PRPF18: variants seen among roughly 807,000 people sequenced by gnomAD.
PRPF18 encodes pre-mRNA-splicing factor 18.
PRPF18 carries 38 observed loss-of-function variants against 46.5 expected under a neutral mutation model. That is an observed-to-expected ratio of 0.82 (90% CI 0.63 to 1.07). PRPF18 has a LOEUF of 1.07. Ranked by LOEUF, PRPF18 falls within the 50% of genes least tolerant of loss-of-function variation. PRPF18 has a pLI of 0.00. For missense variants in PRPF18, 263 were observed against 410.0 expected, an observed-to-expected ratio of 0.64 and a Z score of 3.10; for synonymous variants, 152 against 146.7, an observed-to-expected ratio of 1.04 and a Z score of -0.26.
At chr10:13,610,638 A>G (rs2080256640) in intron 5 of PRPF18, among the ~76,000 whole-genome samples, 1 of 152,032 alleles carries the variant, frequency 6.6e-6, no homozygotes, top group African/African-American at 2.4e-5. Flanking sequence ...ACTGCATTTG[A>G]CTTTTTGTTC....
chr10:13,589,395 C>G (rs969342161), intron 1 of PRPF18, among the ~76,000 whole-genome samples: 1 of 152,180 alleles, frequency 6.6e-6, no homozygotes, highest in Non-Finnish European at 1.5e-5. Flanking sequence ...ATGCATCTTT[C>G]CTGTTTTGTC....
At chr10:13,595,220 T>C (rs2502214) in intron 1 of PRPF18, among the ~76,000 whole-genome samples, 3,020 of 152,244 alleles carry the variant, frequency 0.02, 116 homozygotes, top group African/African-American at 0.069. Context: ...TAGTATATCA[T>C]GAAAATAAAT....
intron 1 of PRPF18, 38 bp from the exon 2 acceptor site, chr10:13,597,420 A>G (rs761843334): frequency 8.3e-6 from 12 of 1,444,090 alleles, no homozygotes; most frequent in African/African-American, 1.4e-5. Flanking sequence ...AATTTTGCTC[A>G]AGGATATATT....
chr10:13,601,795 T>C (rs1276614487), intron 3 of PRPF18, among the ~76,000 whole-genome samples: 1 of 152,200 alleles, frequency 6.6e-6, no homozygotes, highest in African/African-American at 2.4e-5. Context: ...AATAAGGTAA[T>C]GCATGAAGAG....
At chr10:13,594,045 C>T (rs1287307660) in intron 1 of PRPF18, among the ~76,000 whole-genome samples, 2 of 152,194 alleles carry the variant, frequency 1.3e-5, no homozygotes, top group East Asian at 3.8e-4. Context: ...TTACTGGTCT[C>T]AGGTCTCATT....
chr10:13,617,151 G>A (rs889131750), intron 9 of PRPF18, among the ~76,000 whole-genome samples: 2 of 152,204 alleles, frequency 1.3e-5, no homozygotes, highest in African/African-American at 4.8e-5. Context: ...CGACTATAAT[G>A]TAGTGTTTGC....
chr10:13,616,246 T>C, intron 8 of PRPF18, 152 bp from the exon 9 acceptor site: 1 of 761,596 alleles, frequency 1.3e-6, no homozygotes. Context: ...TTTTAATCTG[T>C]TTTGTTTGAA....
the PRPF18 span, chr10:13,652,066 A>T: frequency 1.3e-6 from 1 of 785,036 alleles, no homozygotes; most frequent in South Asian, 1.4e-5. Context: ...TAGCTTATTA[A>T]TATATCCGAA....
the PRPF18 span, among the ~76,000 whole-genome samples, chr10:13,638,306 T>G: frequency 1.3e-5 from 2 of 151,612 alleles, no homozygotes; most frequent in Non-Finnish European, 2.9e-5. Context: ...TTTCTTTTTT[T>G]TTTTTTTTTT....
chr10:13,613,874 G>A lies in PRPF18; in HGVS notation c.713G>A (p.Arg238Gln). ...CTAAGACCACTTTTTAGAAAGCTAC[G>A]GAAAAGGGTGAGGTTTCTTGGAAAA... ...SYLRPLFRKL[R>Q]KRNLPADIKE... Residue 238 changes from arginine (R) to glutamine (Q), a missense_variant, in exon 7 of 10, where the codon CGG (arginine) becomes CAG (glutamine). Transcript: ENST00000378572. 1.9e-6 allele frequency: 3 copies of A among 1,606,618 alleles called. No individual in the cohort carries two copies. The highest frequency in any genetic ancestry group is 1.1e-5 in the South Asian group (1 of 88,834).
At chr10:13,624,478 A>G (rs1177247554) in intron 9 of PRPF18, among the ~76,000 whole-genome samples, 1 of 152,178 alleles carries the variant, frequency 6.6e-6, no homozygotes, top group Non-Finnish European at 1.5e-5. Flanking sequence ...GAAAAGAAGG[A>G]GTGGTTGAGA....
chr10:13,635,211 C>G (rs1217564391), downstream of PRPF18, among the ~76,000 whole-genome samples: 1 of 152,198 alleles, frequency 6.6e-6, no homozygotes, highest in Non-Finnish European at 1.5e-5. Context: ...CATGTCCCTG[C>G]AGAGGACATG....
At chr10:13,599,060 G>A (rs2080071633) in intron 2 of PRPF18, among the ~76,000 whole-genome samples, 1 of 152,154 alleles carries the variant, frequency 6.6e-6, no homozygotes, top group Non-Finnish European at 1.5e-5. Flanking sequence ...AATTAAATGT[G>A]TTTTTAATCC....
At chr10:13,649,920 A>G in the PRPF18 span, among the ~76,000 whole-genome samples, 2 of 152,214 alleles carry the variant, frequency 1.3e-5, no homozygotes, top group African/African-American at 4.8e-5. Flanking sequence ...CTGGGGCAGG[A>G]TGAAGATCTA....
At chr10:13,636,063 C>T in the PRPF18 span, among the ~76,000 whole-genome samples, 3 of 152,102 alleles carry the variant, frequency 2.0e-5, no homozygotes, top group African/African-American at 7.2e-5. Flanking sequence ...GGGCTGGTTG[C>T]ACATTGTTGG....
chr10:13,588,214 C>T (rs932697206), intron 1 of PRPF18, among the ~76,000 whole-genome samples: 1 of 152,122 alleles, frequency 6.6e-6, no homozygotes, highest in Non-Finnish European at 1.5e-5. Flanking sequence ...CGAGACCAGC[C>T]TGGCAAACAT....
rs1327564542 is a variant in PRPF18 at position 13,616,397 on chromosome 10, G to C, written c.793-1G>C. 1 of 1,602,146 alleles carries C rather than the reference G, an allele frequency of 6.2e-7. No individual in the cohort carries two copies. The highest frequency in any genetic ancestry group is 1.3e-5 in the African/African-American group (1 of 74,304). On this transcript the variant is annotated splice_acceptor_variant, in intron 8 of 9. Coordinates refer to ENST00000378572, the MANE Select transcript of PRPF18 (RefSeq NM_003675.4). LOFTEE classifies it high-confidence loss of function. Reference sequence around the variant, plus strand: ...GATTTCTTCTTACACTTTCCTTTCAGGCAAATGATGCTTATCTTCAGATGG... The same window carrying C: ...GATTTCTTCTTACACTTTCCTTTCACGCAAATGATGCTTATCTTCAGATGG...
chr10:13,599,125 C>A (rs1016643639), intron 2 of PRPF18, among the ~76,000 whole-genome samples: 20 of 152,066 alleles, frequency 1.3e-4, no homozygotes, highest in African/African-American at 4.8e-4. Context: ...ACAGGTGTTT[C>A]TTTCTAAAGA....
Position 13,600,359 on chromosome 10 carries a change from T to C in PRPF18, c.249+11T>C, listed in dbSNP as rs771736493. On this transcript the variant is annotated intron_variant, in intron 3 of 9. Coordinates refer to ENST00000378572, the MANE Select transcript of PRPF18 (RefSeq NM_003675.4). ...CTTTCTAGGCAAGAGGTAAGTTTAT[T>C]TGTGATGGTTTCATGAGAATAAGAT... The C allele has an allele frequency of 1.2e-5, 19 of 1,577,250 alleles. No homozygotes were observed. Among genetic ancestry groups the C allele is most frequent in the Middle Eastern group, 1.7e-4 (1 of 5,972 alleles).
Sources: allele counts gnomAD v4.1 joint callset (sites outside exome capture counted in the v4.1 genomes callset), GRCh38; gene constraint gnomAD v4.1.1; transcripts MANE v1.5; gene names NCBI Gene and HGNC (gene_info 2026-07-23, HGNC 2026-07-21).